GRAMD1B: variants seen among roughly 807,000 people sequenced by gnomAD.
The protein encoded by GRAMD1B is protein Aster-B.
In GRAMD1B, 37 loss-of-function variants were observed where a neutral mutation model predicts 99.7. The ratio of observed to expected loss-of-function variants is 0.37; its 90% CI spans 0.29 to 0.49. The LOEUF (loss-of-function observed/expected upper bound fraction) is 0.49, where lower values mean the gene tolerates loss of function less well. Among genes scored for constraint, GRAMD1B ranks in the 20% least tolerant of loss-of-function variants. The probability of loss-of-function intolerance (pLI) is 0.98; values close to 1 mark genes in which losing one functional copy is unlikely to be tolerated. For missense variants in GRAMD1B, 888 were observed against 1,009.2 expected (o/e 0.88, Z 1.63); for synonymous variants, 427 against 387.6 (o/e 1.10, Z -1.19).
At chr11:123,358,497 C>T (rs1370176257) in exon 1 of GRAMD1B, 1 of 152,148 alleles carries the variant, frequency 6.6e-6, no homozygotes, top group Non-Finnish European at 1.5e-5. Context: ...TCCTCCCGCC[C>T]CAGCGGCTCC....
chr11:123,401,907 T>TA (rs995907406), intron 1 of GRAMD1B, among the ~76,000 whole-genome samples: 5 of 151,622 alleles, frequency 3.3e-5, no homozygotes, highest in African/African-American at 1.2e-4. Flanking sequence ...GACCCTGTCT[T>TA]AAAAAAAAGA....
At chr11:123,457,117 A>AGAAAAG in intron 1 of GRAMD1B, among the ~76,000 whole-genome samples, 3 of 99,428 alleles carry the variant, frequency 3.0e-5, no homozygotes, top group African/African-American at 1.1e-4. Flanking sequence ...TTCTGAGAAA[A>AGAAAAG]AAAGAAAGAA....
chr11:123,419,681 G>C (rs1948354204), intron 1 of GRAMD1B, among the ~76,000 whole-genome samples: 1 of 150,248 alleles, frequency 6.7e-6, no homozygotes, highest in African/African-American at 2.5e-5. Flanking sequence ...TGCAAGAAGG[G>C]AGTCGGGGAA....
chr11:123,409,722 C>T (rs1359585801), intron 1 of GRAMD1B, among the ~76,000 whole-genome samples: 1 of 152,114 alleles, frequency 6.6e-6, no homozygotes, highest in Non-Finnish European at 1.5e-5. Context: ...AAACAAGGGC[C>T]TGTGAAAAAT....
chr11:123,432,971 G>T (rs1003579037), intron 1 of GRAMD1B, among the ~76,000 whole-genome samples: 1 of 152,192 alleles, frequency 6.6e-6, no homozygotes, highest in Non-Finnish European at 1.5e-5. Context: ...GGGGATAGAA[G>T]TTCTTTCTGT....
intron 9 of GRAMD1B, among the ~76,000 whole-genome samples, chr11:123,604,999 G>A (rs1952510780): frequency 6.6e-6 from 1 of 152,070 alleles, no homozygotes; most frequent in Non-Finnish European, 1.5e-5. Context: ...CAAATAGGAT[G>A]GGCACCCATG....
At chr11:123,539,993 C>T (rs1944346995) in intron 2 of GRAMD1B, among the ~76,000 whole-genome samples, 1 of 151,818 alleles carries the variant, frequency 6.6e-6, no homozygotes, top group Non-Finnish European at 1.5e-5. Context: ...ATTTCAGTGT[C>T]TTGGGTTAGA....
intron 1 of GRAMD1B, among the ~76,000 whole-genome samples, chr11:123,402,695 C>T (rs1289121885): frequency 6.6e-6 from 1 of 152,232 alleles, no homozygotes; most frequent in African/African-American, 2.4e-5. Context: ...TCCCAAGTGA[C>T]CTCACAATTG....
intron 1 of GRAMD1B, among the ~76,000 whole-genome samples, chr11:123,408,611 C>A (rs1947936127): frequency 6.6e-6 from 1 of 152,256 alleles, no homozygotes; most frequent in Admixed American, 6.5e-5. Flanking sequence ...CCTCCCTTTC[C>A]TCCACAGCCC....
Position 123,610,109 on chromosome 11 carries a change from G to T in GRAMD1B, c.1777-87G>T, listed in dbSNP as rs1180499074. ...TCTCCTGTTCAGAAGCCGTGGGGTG[G>T]GGTGGGCTTGGGGAGGCTGGAGAAG... is the stretch of plus-strand genomic sequence containing the variant. On this transcript the variant is annotated intron_variant, in intron 13 of 19. Coordinates refer to ENST00000635736, the MANE Select transcript of GRAMD1B (RefSeq NM_001387025.1). This position sits in a 1 kb window ranked among gnomAD's most constrained non-coding sequence, Gnocchi z 4.1. 8.0e-7 allele frequency: 1 copy of T among 1,249,486 alleles called. No homozygotes were observed. The highest frequency in any genetic ancestry group is 1.1e-6 in the Non-Finnish European group (1 of 870,482). 77.4% of individuals were successfully genotyped at this position (1,249,486 alleles called of 1,614,324 possible).
chr11:123,464,754 G>T (rs1406167000), intron 1 of GRAMD1B, among the ~76,000 whole-genome samples: 2 of 152,192 alleles, frequency 1.3e-5, no homozygotes, highest in Admixed American at 1.3e-4. Flanking sequence ...AGAGAGGAGA[G>T]GATGGATATA....
intron 2 of GRAMD1B, among the ~76,000 whole-genome samples, chr11:123,557,503 T>A (rs1753300264): frequency 6.6e-6 from 1 of 152,256 alleles, no homozygotes; most frequent in Non-Finnish European, 1.5e-5. Flanking sequence ...TTTTTCACTG[T>A]GTTTTTCAAC....
intron 8 of GRAMD1B, among the ~76,000 whole-genome samples, chr11:123,602,515 A>AT (rs201806003): frequency 4.9e-4 from 72 of 148,004 alleles, no homozygotes; most frequent in Middle Eastern, 3.5e-3. Context: ...TTGAAATGGG[A>AT]TTTTTTTTTT....
At chr11:123,519,778 G>A (rs2135413520) in intron 2 of GRAMD1B, among the ~76,000 whole-genome samples, 1 of 152,284 alleles carries the variant, frequency 6.6e-6, no homozygotes, top group South Asian at 2.1e-4. Flanking sequence ...GCTCCAGATA[G>A]GGAGCCAGAG....
chr11:123,619,188 G>T lies in GRAMD1B; in HGVS notation c.2508G>T (p.Arg836Ser). Residue 836 changes from arginine to serine, a missense_variant, in exon 19 of 20, where the codon AGG (arginine) becomes AGT (serine). Physicochemically the swap from Arg to Ser is moderately radical, Grantham distance 110. Around this residue, in one of 5 missense-constraint regions of GRAMD1B, gnomAD observed 232 missense variants for 261.7 expected, o/e 0.89. Transcript: ENST00000635736. ...ACGATACTGAGCTCCAAAAATGGAG[G>T]GAAATCATCAAATCCTCAGTGATGC... ...KYHDTELQKW[R>S]EIIKSSVMLL... The T allele has an allele frequency of 6.4e-7, 1 of 1,566,276 alleles. No individual in the cohort carries two copies. Among genetic ancestry groups the T allele is most frequent in the Non-Finnish European group, 8.7e-7 (1 of 1,155,358 alleles).
intron 3 of GRAMD1B, chr11:123,578,544 G>C (rs1353112196): frequency 2.6e-6 from 2 of 780,592 alleles, no homozygotes; most frequent in Non-Finnish European, 4.3e-6. Context: ...ATCCTGCTTG[G>C]TCCCTTTCCC....
intron 2 of GRAMD1B, among the ~76,000 whole-genome samples, chr11:123,558,947 G>A (rs1014134573): frequency 1.3e-5 from 2 of 152,234 alleles, no homozygotes; most frequent in African/African-American, 4.8e-5. Flanking sequence ...TTAGCTCTCA[G>A]CATGAGTTCG....
chr11:123,544,190 A>G (rs538669996), intron 2 of GRAMD1B, among the ~76,000 whole-genome samples: 2 of 152,252 alleles, frequency 1.3e-5, no homozygotes, highest in African/African-American at 4.8e-5. Context: ...CAAGACACAC[A>G]TGGAGTGGCT....
upstream of GRAMD1B, among the ~76,000 whole-genome samples, chr11:123,430,077 C>A (rs1194897405): frequency 6.6e-6 from 1 of 151,856 alleles, no homozygotes; most frequent in African/African-American, 2.4e-5. Context: ...GGTTTGTGAT[C>A]CTATTTCAGT....
Sources: gnomAD v4.1 joint callset for allele counts (sites outside exome capture counted in the v4.1 genomes callset) on GRCh38, gnomAD v4.1.1 for gene constraint, gnomAD v4.1.1 regional missense constraint, Gnocchi (gnomAD v3.1) non-coding constraint, MANE v1.5 for transcripts, NCBI Gene and HGNC (gene_info 2026-07-23, HGNC 2026-07-21) for gene names.